ANPEP: variants seen among roughly 807,000 people sequenced by gnomAD.
ANPEP encodes aminopeptidase N.
Under a neutral mutation model 114.6 loss-of-function variants are expected in ANPEP, and 70 were observed. The observed-to-expected ratio is 0.61, with a 90% confidence interval of 0.50 to 0.75. The LOEUF is 0.75. ANPEP is among the 30% of genes least tolerant of loss of function. The pLI is 0.00. For synonymous variants in ANPEP, 548 were observed against 522.3 expected (o/e 1.05, Z -0.67); for missense variants, 1,184 against 1,259.5 (o/e 0.94, Z 0.91).
chr15:89,804,026 G>A, intron 6 of ANPEP, 24 bp from the exon 7 acceptor site: 3 of 1,609,612 alleles, frequency 1.9e-6, no homozygotes, highest in Middle Eastern at 1.7e-4. Context: ...GGTCAGCTGG[G>A]CAAGCCACGC....
At chr15:89,795,800 G>A (rs1968716303) in intron 15 of ANPEP, among the ~76,000 whole-genome samples, 1 of 152,148 alleles carries the variant, frequency 6.6e-6, no homozygotes, top group African/African-American at 2.4e-5. Context: ...CTATGAGAGG[G>A]GAAAAAATCA....
intron 11 of ANPEP, 57 bp from the exon 12 acceptor site, chr15:89,801,244 G>T: frequency 6.3e-7 from 1 of 1,590,024 alleles, no homozygotes; most frequent in Non-Finnish European, 8.6e-7. Context: ...TGCCAGTGAG[G>T]AGCAGCTGCC....
chr15:89,795,793 T>C (rs1439974294), intron 15 of ANPEP, among the ~76,000 whole-genome samples: 1 of 152,014 alleles, frequency 6.6e-6, no homozygotes, highest in Non-Finnish European at 1.5e-5. Context: ...TATTCCCCTA[T>C]GAGAGGGGAA....
chr15:89,792,259 T>A lies in ANPEP; in HGVS notation c.2429A>T (p.Asp810Val), dbSNP rs752463888. The change falls in exon 18 of 21, where the codon GAC becomes GTC. Residue 810 changes from aspartate to valine, a missense_variant. By Grantham distance (152) the Asp-to-Val change is radical. Coordinates refer to ENST00000300060, the MANE Select transcript of ANPEP (RefSeq NM_001150.3). ...AIAQGGEEEWDFAWEQFRNAT... is the reference protein window; with the variant it reads ...AIAQGGEEEWVFAWEQFRNAT... ...ATTTCGGAACTGCTCCCAGGCGAAG[T>A]CCCACTCCTCCTCCCCGCCCTGGGC... is the stretch of plus-strand genomic sequence containing the variant. 2 of 1,614,082 alleles carry A rather than the reference T, an allele frequency of 1.2e-6. No individual in the cohort carries two copies. Among genetic ancestry groups the A allele is most frequent in the Admixed American group, 3.3e-5 (2 of 60,004 alleles).
intron 19 of ANPEP, 137 bp from the exon 20 acceptor site, chr15:89,790,678 G>A (rs1054343955): frequency 2.4e-6 from 2 of 830,562 alleles, no homozygotes; most frequent in African/African-American, 1.7e-5. Context: ...AGGATGTGGG[G>A]GAGTCACAGC....
chr15:89,785,406 C>G lies in ANPEP; in HGVS notation c.2847G>C (p.Lys949Asn). The change falls in exon 21 of 21, where the codon AAG becomes AAC. Residue 949 changes from lysine (K) to asparagine (N), a missense_variant. Transcript: ENST00000300060. ...CCACCTCCTTGTTCTCCTTCACCCA[C>G]TTGATGTTGGCTTTCGTCTTCTCCA... is the stretch of plus-strand genomic sequence containing the variant. The part of the protein sequence containing the change: ...QALEKTKANI[K>N]WVKENKEVVL... 1 of 1,614,238 alleles carries G rather than the reference C, an allele frequency of 6.2e-7. No individual in the cohort carries two copies. The highest frequency in any genetic ancestry group is 8.5e-7 in the Non-Finnish European group (1 of 1,180,032).
chr15:89,785,172 C>T lies in ANPEP; in HGVS notation c.*177G>A. 1.2e-6 allele frequency: 1 copy of T among 829,320 alleles called. No homozygotes were observed. Among genetic ancestry groups the T allele is most frequent in the Admixed American group, 2.9e-5 (1 of 34,382 alleles). 51.4% of individuals were successfully genotyped at this position (829,320 alleles called of 1,614,324 possible). On this transcript the variant is annotated 3_prime_UTR_variant, in exon 21 of 21. Transcript: ENST00000300060. ...AGGGGCTGGGAGGTGCTCAGGCAGC[C>T]TGGGTCATCAGGAACTAGACTGGCT...
chr15:89,797,864 C>A, intron 14 of ANPEP, 142 bp from the exon 15 acceptor site: 3 of 1,163,822 alleles, frequency 2.6e-6, no homozygotes, highest in East Asian at 2.5e-5. Flanking sequence ...CCCAGATTCC[C>A]AACTGAGCCA....
chr15:89,798,367 T>C (rs1161256987), intron 14 of ANPEP, among the ~76,000 whole-genome samples: 2 of 152,190 alleles, frequency 1.3e-5, no homozygotes, highest in African/African-American at 4.8e-5. Flanking sequence ...CTGGGCACGG[T>C]GGCTCACACC....
chr15:89,790,928 C>T (rs1371740726), intron 19 of ANPEP, 25 bp downstream of exon 19: 2 of 1,612,134 alleles, frequency 1.2e-6, no homozygotes, highest in African/African-American at 1.3e-5. Context: ...GCTCGCTGTC[C>T]CTGACACCCA....
rs371876332 is a variant in ANPEP at position 89,806,281 on chromosome 15, G to A, written c.303C>T (p.Tyr101=). 43 of 1,614,140 alleles carry A rather than the reference G, an allele frequency of 2.7e-5. No individual in the cohort carries two copies. In the African/African-American group the frequency reaches 2.8e-4, roughly 11 times the overall value. Residue 101 remains tyrosine, a synonymous_variant, in exon 2 of 21, where the codon TAC becomes TAT. Coordinates refer to ENST00000300060, the MANE Select transcript of ANPEP (RefSeq NM_001150.3). The surrounding 1 kb of genome is among the most constrained non-coding windows in gnomAD (Gnocchi z 5.7). ...PYLTPNDRGL[Y]VFKGSSTVRF... is the part of the protein sequence containing the mutation. ...GGACGGTGCTGGAGCCCTTAAAAACGTACAGGCCCCTGTCATTGGGGGTGA... is the reference window on the plus strand; with the variant it reads ...GGACGGTGCTGGAGCCCTTAAAAACATACAGGCCCCTGTCATTGGGGGTGA...
At chr15:89,808,990 AG>A (rs1191599649) in intron 1 of ANPEP, among the ~76,000 whole-genome samples, 1 of 152,122 alleles carries the variant, frequency 6.6e-6, no homozygotes, top group Non-Finnish European at 1.5e-5. Flanking sequence ...CATTTCCCCA[AG>A]GGGCCTTGGT....
At chr15:89,808,755 TCTGCCACCC>T (rs781399009) in intron 1 of ANPEP, among the ~76,000 whole-genome samples, 49 of 152,234 alleles carry the variant, frequency 3.2e-4, no homozygotes, top group South Asian at 6.2e-4. Context: ...GCCTCACTCG[TCTGCCACCC>T]CTGCCACCCC....
At chr15:89,797,809 C>T (rs1329059063) in intron 14 of ANPEP, 87 bp from the exon 15 acceptor site, 3 of 1,562,092 alleles carry the variant, frequency 1.9e-6, no homozygotes, top group African/African-American at 2.7e-5. Flanking sequence ...CTCAAAGATG[C>T]TCCACACCCC....
At chr15:89,790,635 G>A (rs944425434) in intron 19 of ANPEP, 94 bp from the exon 20 acceptor site, 3 of 1,155,812 alleles carry the variant, frequency 2.6e-6, no homozygotes, top group African/African-American at 1.5e-5. Context: ...GATTATAGAG[G>A]AGATGAAATG....
At position 89,813,993 on chromosome 15, in the gene ANPEP, G is replaced by GGGC. The variant is rs941791337; in HGVS notation, c.-224+778_-224+779insGCC. ...GCCGTCCCTGCCCACCGCACTGCTG[G>GGGC]GGGGGGGGGGTGCGTTCTGGAGTCA... is the stretch of plus-strand genomic sequence containing the variant. On this transcript the variant is annotated intron_variant, in intron 1 of 20. Coordinates refer to ENST00000300060, the MANE Select transcript of ANPEP (RefSeq NM_001150.3). Among the ~76,000 whole-genome samples the GGGC allele has an allele frequency of 8.7e-5, 12 of 137,748 alleles. 2 individuals carry two copies. Among genetic ancestry groups the GGGC allele is most frequent in the African/African-American group, 2.6e-4 (10 of 37,970 alleles). 90.4% of individuals were successfully genotyped at this position (137,748 alleles called of 152,430 possible).
chr15:89,802,175 G>T (rs889872524), intron 10 of ANPEP, among the ~76,000 whole-genome samples: 154 of 152,296 alleles, frequency 1.0e-3, no homozygotes, highest in African/African-American at 3.0e-3. Context: ...TAAGAACGGG[G>T]CCACACAGAG....
chr15:89,792,621 C>A, intron 16 of ANPEP, 59 bp from the exon 17 acceptor site: 1 of 1,466,528 alleles, frequency 6.8e-7, no homozygotes, highest in Non-Finnish European at 9.5e-7. Flanking sequence ...AGATTCACCT[C>A]TTGACACACA....
intron 1 of ANPEP, among the ~76,000 whole-genome samples, chr15:89,813,361 G>A (rs983787717): frequency 4.6e-5 from 7 of 152,212 alleles, no homozygotes; most frequent in Admixed American, 1.3e-4. Flanking sequence ...CTGTAGGGGT[G>A]TAAGGAGCGC....
Sources: allele counts gnomAD v4.1 joint callset (sites outside exome capture counted in the v4.1 genomes callset), GRCh38; gene constraint gnomAD v4.1.1; non-coding constraint Gnocchi (gnomAD v3.1); transcripts MANE v1.5; gene names NCBI Gene and HGNC (gene_info 2026-07-23, HGNC 2026-07-21).